The following TMEM181 variants were observed in gnomAD, a reference collection of about 807,000 sequenced individuals.
The protein encoded by TMEM181 is transmembrane protein 181.
TMEM181 carries 39 observed loss-of-function variants against 71.9 expected under a neutral mutation model. The ratio of observed to expected loss-of-function variants is 0.54; its 90% CI spans 0.42 to 0.71. The LOEUF is 0.71. TMEM181 is among the 30% of genes least tolerant of loss of function. The pLI, the probability that TMEM181 is intolerant of heterozygous loss-of-function variation, is 0.00. For synonymous variants in TMEM181, 245 were observed against 228.8 expected (o/e 1.07, Z -0.64); for missense variants, 595 against 583.0 (o/e 1.02, Z -0.21).
rs955682669 is a variant in TMEM181, at chr6:158,611,367, C to G, written c.896+2617C>G. Reference sequence around the variant, plus strand: ...TGACAGCCTCTCCCTTCCTTTTCGGCATTGATTTCCCTGGATGCCCTGGTT... The same window carrying G: ...TGACAGCCTCTCCCTTCCTTTTCGGGATTGATTTCCCTGGATGCCCTGGTT... On this transcript the variant is annotated intron_variant, in intron 10 of 16. Transcript: ENST00000684151. The G allele has an allele frequency of 1.1e-5, 6 of 530,926 alleles. No individual in the cohort carries two copies. In the African/African-American group the frequency reaches 1.2e-4, roughly 10 times the overall value. The allele number at this position is 530,926 out of a possible 1,614,324, so 32.9% of individuals were successfully genotyped here. A position where few individuals can be genotyped will look rare whatever the true frequency, so the allele number is the denominator to read the frequency against.
intron 1 of TMEM181, among the ~76,000 whole-genome samples, chr6:158,546,180 G>A (rs1781521376): frequency 6.6e-6 from 1 of 152,122 alleles, no homozygotes; most frequent in African/African-American, 2.4e-5. Context: ...TGACAAGCTG[G>A]GAGCTCCAGA....
In TMEM181 at chr6:158,631,371, A is replaced by G; in HGVS notation, c.1331A>G (p.Asp444Gly). 1 of 1,614,172 alleles carries G rather than the reference A, an allele frequency of 6.2e-7. No homozygotes were observed. Among genetic ancestry groups the G allele is most frequent in the Non-Finnish European group, 8.5e-7 (1 of 1,180,042 alleles). The change falls in exon 16 of 17, where the codon GAT becomes GGT. Residue 444 changes from aspartate (D) to glycine (G), a missense_variant. Asp to Gly is a moderately conservative substitution (Grantham distance 94). Transcript: ENST00000684151. ...GCCTTCTCCATGCTGAATGACTCGGATGATGATGTGATTTATGGGTAAGTC... is the reference window on the plus strand; with the variant it reads ...GCCTTCTCCATGCTGAATGACTCGGGTGATGATGTGATTTATGGGTAAGTC... ...NPAFSMLNDS[D>G]DDVIYGSDYE... is the part of the protein sequence containing the mutation.
At chr6:158,609,506 C>T (rs941254750) in intron 10 of TMEM181, among the ~76,000 whole-genome samples, 3 of 152,164 alleles carry the variant, frequency 2.0e-5, no homozygotes, top group African/African-American at 7.2e-5. Context: ...TCCCCTTACC[C>T]CTCATTCCAC....
At chr6:158,568,488 TGAG>T (rs1464851298) in intron 1 of TMEM181, among the ~76,000 whole-genome samples, 1 of 151,964 alleles carries the variant, frequency 6.6e-6, no homozygotes, top group Non-Finnish European at 1.5e-5. Context: ...ACGACAGAGA[TGAG>T]GAGAGGGAAG....
chr6:158,549,007 G>A (rs1781633137), intron 1 of TMEM181, among the ~76,000 whole-genome samples: 1 of 152,168 alleles, frequency 6.6e-6, no homozygotes, highest in South Asian at 2.1e-4. Context: ...TACTCACCAG[G>A]CTTTGTTATT....
rs563860425 is a variant in TMEM181 at position 158,589,567 on chromosome 6, A to G, written c.382-105A>G. On this transcript the variant is annotated intron_variant, in intron 5 of 16. Transcript: ENST00000684151. ...GGCTTTTGGCGAGTTCCCTGGAGACAATGAGTTCTGCCCATCTGCTGTTGA... is the reference window on the plus strand; with the variant it reads ...GGCTTTTGGCGAGTTCCCTGGAGACGATGAGTTCTGCCCATCTGCTGTTGA... The G allele has an allele frequency of 1.5e-5, 12 of 806,272 alleles. No individual in the cohort carries two copies. The South Asian group carries it at 1.9e-4, about 12-fold the overall frequency. The allele number at this position is 806,272 out of a possible 1,614,324, so 49.9% of individuals were successfully genotyped here. A position where few individuals can be genotyped will look rare whatever the true frequency, so the allele number is the denominator to read the frequency against.
chr6:158,618,378 ATGTG>A (rs1785744963), intron 10 of TMEM181, among the ~76,000 whole-genome samples: 2 of 152,172 alleles, frequency 1.3e-5, no homozygotes, highest in South Asian at 4.1e-4. Flanking sequence ...TTTTGAGCCT[ATGTG>A]TGTCTCTGCA....
Position 158,585,527 on chromosome 6 carries a change from G to A in TMEM181, c.381+102G>A, listed in dbSNP as rs1027846802. 3.9e-6 allele frequency: 5 copies of A among 1,296,344 alleles called. No homozygotes were observed. The African/African-American group carries it at 4.5e-5, about 12-fold the overall frequency. The allele number at this position is 1,296,344 out of a possible 1,614,324, so 80.3% of individuals were successfully genotyped here. On this transcript the variant is annotated intron_variant, in intron 5 of 16. Coordinates refer to ENST00000684151, the MANE Select transcript of TMEM181 (RefSeq NM_001376852.1). ...AAAAGATAGCATGGTAAGAGGCTTC[G>A]AGAAATTGTTCTTAAGTGAAAAAAA...
chr6:158,553,461 A>G (rs552724227), intron 1 of TMEM181, among the ~76,000 whole-genome samples: 1 of 152,356 alleles, frequency 6.6e-6, no homozygotes, highest in East Asian at 1.9e-4. Context: ...AGAACCTTAA[A>G]TATATGGTTA....
At chr6:158,575,399 G>A (rs1783100635) in intron 2 of TMEM181, among the ~76,000 whole-genome samples, 1 of 151,934 alleles carries the variant, frequency 6.6e-6, no homozygotes, top group Admixed American at 6.6e-5. Context: ...TGCAATCTTG[G>A]CTCACTGCAA....
rs1193449351 is a variant in TMEM181 at position 158,560,134 on chromosome 6, C to T, written c.-91C>T. ...CGCTGCTCAGCCGCTGTCGCTCCGG[C>T]TCCGGCTGCGGCTGCCGCTGCCGAG... is the stretch of plus-strand genomic sequence containing the variant. On this transcript the variant is annotated 5_prime_UTR_variant, in exon 1 of 17. Transcript: ENST00000684151. 1.6e-5 allele frequency: 16 copies of T among 984,794 alleles called. No homozygotes were observed. Among genetic ancestry groups the T allele is most frequent in the Middle Eastern group, 5.2e-4 (1 of 1,934 alleles). 61.0% of individuals were successfully genotyped at this position (984,794 alleles called of 1,614,324 possible). A position where few individuals can be genotyped will look rare whatever the true frequency, so the allele number is the denominator to read the frequency against.
rs571874369 is a variant in TMEM181, at chr6:158,593,181, G to A, written c.492+3399G>A. 4.6e-5 allele frequency among the ~76,000 whole-genome samples: 7 copies of A among 152,220 alleles called. 1 individual carries two copies. In the South Asian group the frequency reaches 1.5e-3, roughly 32 times the overall value. ...TTCCTCAGAGTAAGAAGTTGGGAGC[G>A]ATCTGTATTTCAGCAGTAGATTTCT... On this transcript the variant is annotated intron_variant, in intron 6 of 16. Coordinates refer to ENST00000684151, the MANE Select transcript of TMEM181 (RefSeq NM_001376852.1).
chr6:158,580,852 T>G, intron 2 of TMEM181, 88 bp from the exon 3 acceptor site: 2 of 1,195,332 alleles, frequency 1.7e-6, no homozygotes, highest in South Asian at 2.8e-5. Context: ...CTCCGTGTAA[T>G]GTGTGAGTCT....
intron 1 of TMEM181, among the ~76,000 whole-genome samples, chr6:158,540,390 C>T (rs998073211): frequency 2.6e-5 from 4 of 152,218 alleles, no homozygotes; most frequent in African/African-American, 9.6e-5. Context: ...GAAATGCATA[C>T]ATGGGGCCAT....
intron 10 of TMEM181, among the ~76,000 whole-genome samples, chr6:158,614,166 C>G (rs1472191946): frequency 6.6e-6 from 1 of 152,198 alleles, no homozygotes; most frequent in East Asian, 1.9e-4. Flanking sequence ...TTTCTGGATG[C>G]TCCAGGGGCC....
intron 12 of TMEM181, among the ~76,000 whole-genome samples, chr6:158,625,439 C>T (rs1786220357): frequency 6.6e-6 from 1 of 152,126 alleles, no homozygotes; most frequent in South Asian, 2.1e-4. Context: ...CTGTACCCTG[C>T]AGAGCAGGGC....
At chr6:158,536,896 C>T in intron 1 of TMEM181, 4 of 1,311,928 alleles carry the variant, frequency 3.0e-6, no homozygotes, top group Non-Finnish European at 3.9e-6. Context: ...GGCGGGGCGG[C>T]CGGAGGCTTC....
At chr6:158,556,642 G>C (rs1214255792), upstream of TMEM181, among the ~76,000 whole-genome samples, 1 of 152,212 alleles carries the variant, frequency 6.6e-6, no homozygotes, top group Non-Finnish European at 1.5e-5. Flanking sequence ...AAAAGTGTAA[G>C]ATTGCGATGG....
intron 6 of TMEM181, among the ~76,000 whole-genome samples, chr6:158,592,170 T>C (rs1784146380): frequency 6.6e-6 from 1 of 152,196 alleles, no homozygotes; most frequent in African/African-American, 2.4e-5. Context: ...GCAGCCAGCA[T>C]AGGGCCCAGC....
Sources: allele counts gnomAD v4.1 joint callset (sites outside exome capture counted in the v4.1 genomes callset), GRCh38; gene constraint gnomAD v4.1.1; transcripts MANE v1.5; gene names NCBI Gene and HGNC (gene_info 2026-07-23, HGNC 2026-07-21).